Variants in DFFB observed in about 807,000 individuals in gnomAD.
DFFB encodes the protein DNA fragmentation factor 40 kDa subunit.
A neutral mutation model predicts 32.7 loss-of-function variants in DFFB; 29 were observed. That is an observed-to-expected ratio of 0.89 (90% CI 0.66 to 1.21). DFFB has a LOEUF of 1.21. Among genes scored for constraint, DFFB ranks in the 50% most tolerant of loss-of-function variants. DFFB has a pLI of 0.00. For missense variants in DFFB, 398 were observed against 440.6 expected, an observed-to-expected ratio of 0.90 and a Z score of 0.87; for synonymous variants, 170 against 177.1, an observed-to-expected ratio of 0.96 and a Z score of 0.32.
At chr1:3,868,135 G>A (rs755543510) in intron 4 of DFFB, 82 bp downstream of exon 4, 100 of 1,256,872 alleles carry the variant, frequency 8.0e-5, no homozygotes, top group Admixed American at 1.0e-4. Flanking sequence ...TGGTCCTCAC[G>A]ATGGGTAGTT....
Position 3,865,825 on chromosome 1 carries a change from C to T in DFFB, c.255C>T (p.Ile85=). Residue 85 remains isoleucine (I), a synonymous_variant, in exon 3 of 7, where the codon ATC becomes ATT. Transcript: ENST00000378209. This position sits in a 1 kb window ranked among gnomAD's most constrained non-coding sequence, Gnocchi z 4.7. ...GQAWQGYVSD[I]RRFLSAFHEP... is the part of the protein sequence containing the mutation. ...CATTGGTGGCAGATGTGAGCGACAT[C>T]AGGCGCTTCCTCAGTGCATTTCACG... is the stretch of plus-strand genomic sequence containing the variant. 6.2e-7 allele frequency: 1 copy of T among 1,614,192 alleles called. No individual in the cohort carries two copies. The highest frequency in any genetic ancestry group is 8.5e-7 in the Non-Finnish European group (1 of 1,180,046).
At chr1:3,860,585 G>T in intron 2 of DFFB, 1 of 290,542 alleles carries the variant, frequency 3.4e-6, no homozygotes, top group Non-Finnish European at 7.5e-6. Flanking sequence ...AGATAGGAAG[G>T]TCCAATGTAC....
chr1:3,876,468 G>T (rs867488778), intron 6 of DFFB, among the ~76,000 whole-genome samples: 21 of 152,202 alleles, frequency 1.4e-4, no homozygotes, highest in African/African-American at 4.8e-4. Flanking sequence ...AGTGTGTTGG[G>T]TTTTAATTAA....
intron 6 of DFFB, among the ~76,000 whole-genome samples, chr1:3,875,400 G>T (rs991521585): frequency 6.6e-6 from 1 of 152,184 alleles, no homozygotes; most frequent in Non-Finnish European, 1.5e-5. Context: ...GTCTGAGCTT[G>T]AGTCCCTCTA....
intron 5 of DFFB, among the ~76,000 whole-genome samples, chr1:3,870,283 G>T (rs141219021): frequency 6.6e-6 from 1 of 152,196 alleles, no homozygotes; most frequent in African/African-American, 2.4e-5. Context: ...AACTTGAGGC[G>T]CCTCTTGGCG....
intron 2 of DFFB, among the ~76,000 whole-genome samples, chr1:3,864,240 C>A (rs1329221619): frequency 6.6e-6 from 1 of 152,176 alleles, no homozygotes; most frequent in African/African-American, 2.4e-5. Flanking sequence ...GCTGGGATTA[C>A]AGGCGTGAGC....
chr1:3,868,044 C>G lies in DFFB; in HGVS notation c.501C>G (p.Tyr167Ter), dbSNP rs768264214. The G allele has an allele frequency of 1.9e-6, 3 of 1,614,020 alleles. No homozygotes were observed. In the Admixed American group the frequency reaches 5.0e-5, roughly 27 times the overall value. The change falls in exon 4 of 7, where the codon TAC becomes TAG. Residue 167 changes from tyrosine (Y) to a stop codon, truncating the protein, a stop_gained. Coordinates refer to ENST00000378209, the MANE Select transcript of DFFB (RefSeq NM_004402.4). LOFTEE classifies it high-confidence loss of function. Reference sequence around the variant, plus strand: ...GCTGTGAGAGCCGGATCCGGAGTTACCTGAGGGAGGTGAGCCTGAGTGAAG... The same window carrying G: ...GCTGTGAGAGCCGGATCCGGAGTTAGCTGAGGGAGGTGAGCCTGAGTGAAG... ...RYSCESRIRS[Y>*]LREVSSYPST...
chr1:3,859,398 C>T (rs995678221), intron 2 of DFFB, among the ~76,000 whole-genome samples: 5 of 152,176 alleles, frequency 3.3e-5, no homozygotes, highest in African/African-American at 1.2e-4. Context: ...CAGAACCAGC[C>T]GAATGCCAAG....
intron 1 of DFFB, 56 bp from the exon 2 acceptor site, chr1:3,858,662 G>A (rs58941669): frequency 0.023 from 36,709 of 1,584,784 alleles, 842 homozygotes; most frequent in East Asian, 0.12. Flanking sequence ...GCCTGCAGAT[G>A]CAAAGCCCTC....
Position 3,884,086 on chromosome 1 carries a change from G to A in DFFB, c.*345G>A. ...TTTAGTAGAGACGGGGTTTCACCATGTTGGTCAGGCTGGTCTCAAACTCCT... is the reference window on the plus strand; with the variant it reads ...TTTAGTAGAGACGGGGTTTCACCATATTGGTCAGGCTGGTCTCAAACTCCT... On this transcript the variant is annotated 3_prime_UTR_variant, in exon 7 of 7. Coordinates refer to ENST00000378209, the MANE Select transcript of DFFB (RefSeq NM_004402.4). 3 of 284,578 alleles carry A rather than the reference G, an allele frequency of 1.1e-5. No individual in the cohort carries two copies. The South Asian group carries it at 1.1e-4, about 10-fold the overall frequency. The allele number at this position is 284,578 out of a possible 1,614,324, so 17.6% of individuals were successfully genotyped here. A position where few individuals can be genotyped will look rare whatever the true frequency, so the allele number is the denominator to read the frequency against.
At chr1:3,863,649 A>G (rs1644920076) in intron 2 of DFFB, among the ~76,000 whole-genome samples, 1 of 152,216 alleles carries the variant, frequency 6.6e-6, no homozygotes, top group Admixed American at 6.5e-5. Flanking sequence ...AGAGTGTGGC[A>G]CATCCATACA....
intron 6 of DFFB, among the ~76,000 whole-genome samples, chr1:3,877,683 G>T (rs1483205131): frequency 2.6e-4 from 40 of 152,124 alleles, no homozygotes; most frequent in Admixed American, 2.6e-3. Context: ...TTGATCCATG[G>T]ATTTTACAGA....
In DFFB at chr1:3,877,619, C is replaced by T. The variant is rs979467070; in HGVS notation, c.782+5047C>T. Among the ~76,000 whole-genome samples, 7 of 152,286 alleles carry T rather than the reference C, an allele frequency of 4.6e-5. No homozygotes were observed. In the South Asian group the frequency reaches 1.0e-3, roughly 23 times the overall value. ...TGCTGGGATCACAGGTGTGAGCCAC[C>T]GCGCCTGGCTGGAGTTGTTTTGAGA... On this transcript the variant is annotated intron_variant, in intron 6 of 6. Transcript: ENST00000378209.
chr1:3,876,599 T>C (rs1227538748), intron 6 of DFFB, among the ~76,000 whole-genome samples: 2 of 152,184 alleles, frequency 1.3e-5, no homozygotes, highest in Non-Finnish European at 2.9e-5. Context: ...TATTTAAGAA[T>C]TAAAAGCTAA....
chr1:3,869,561 G>A (rs1645067792), intron 4 of DFFB, 44 bp from the exon 5 acceptor site: 2 of 1,573,596 alleles, frequency 1.3e-6, no homozygotes, highest in Non-Finnish European at 1.7e-6. Flanking sequence ...GCGGGTTTTG[G>A]GGCGCTGTGC....
At chr1:3,868,598 T>TACCACACCATACCAG (rs1645031940) in intron 4 of DFFB, among the ~76,000 whole-genome samples, 1 of 1,322 alleles carries the variant, frequency 7.6e-4, no homozygotes, top group East Asian at 0.015. Context: ...CGCTACACCA[T>TACCACACCATACCAG]ACCACACCAT....
intron 4 of DFFB, 21 bp from the exon 5 acceptor site, chr1:3,869,584 G>A (rs200166059): frequency 1.6e-5 from 25 of 1,595,450 alleles, no homozygotes; most frequent in East Asian, 1.1e-4. Context: ...CAGGCTCACC[G>A]ACGTTCCTTG....
Position 3,865,683 on chromosome 1 carries a change from A to C in DFFB, c.242-129A>C, listed in dbSNP as rs1644963796. The stretch of plus-strand genomic sequence containing the variant: ...CAAGGACAAAGACCCGGGACACCTC[A>C]AGTCTGAGTCCTGGTGATTGCCAGG... On this transcript the variant is annotated intron_variant, in intron 2 of 6. Transcript: ENST00000378209. The surrounding 1 kb of genome is among the most constrained non-coding windows in gnomAD (Gnocchi z 4.7). 1 of 1,449,096 alleles carries C rather than the reference A, an allele frequency of 6.9e-7. No individual in the cohort carries two copies. The highest frequency in any genetic ancestry group is 1.7e-5 in the Admixed American group (1 of 59,614). The allele number at this position is 1,449,096 out of a possible 1,614,324, so 89.8% of individuals were successfully genotyped here.
At chr1:3,870,424 G>T (rs1645088648) in intron 5 of DFFB, among the ~76,000 whole-genome samples, 1 of 152,220 alleles carries the variant, frequency 6.6e-6, no homozygotes, top group East Asian at 1.9e-4. Context: ...ATGGGACAGG[G>T]CTCCTTGCTG....
Sources: gnomAD v4.1 joint callset for allele counts (sites outside exome capture counted in the v4.1 genomes callset) on GRCh38, gnomAD v4.1.1 for gene constraint, Gnocchi (gnomAD v3.1) non-coding constraint, MANE v1.5 for transcripts, NCBI Gene and HGNC (gene_info 2026-07-23, HGNC 2026-07-21) for gene names.